Variants in EFNA5 observed in about 807,000 individuals in gnomAD.
The protein encoded by EFNA5 is ephrin A5.
Under a neutral mutation model 22.9 loss-of-function variants are expected in EFNA5, and 5 were observed. The ratio of observed to expected loss-of-function variants is 0.22; its 90% CI spans 0.11 to 0.46. The LOEUF is 0.46. Ranked by LOEUF, EFNA5 falls within the 20% of genes least tolerant of loss-of-function variation. The pLI is 0.99. For missense variants in EFNA5, 237 were observed against 293.3 expected (o/e 0.81, Z 1.40); for synonymous variants, 113 against 112.2 (o/e 1.01, Z -0.04).
At chr5:107,613,278 T>G (rs962925584) in intron 1 of EFNA5, among the ~76,000 whole-genome samples, 2 of 152,010 alleles carry the variant, frequency 1.3e-5, no homozygotes, top group African/African-American at 4.8e-5. Flanking sequence ...CTAGAAAAAA[T>G]TGCTGAGGGT....
At chr5:107,581,666 A>G (rs902683823) in intron 1 of EFNA5, among the ~76,000 whole-genome samples, 1 of 152,160 alleles carries the variant, frequency 6.6e-6, no homozygotes, top group African/African-American at 2.4e-5. Flanking sequence ...CAAGTTTCAT[A>G]TGTTATAACA....
rs113768108 is a variant in EFNA5 at position 107,555,093 on chromosome 5, T to G, written c.125+115396A>C. On this transcript the variant is annotated intron_variant, in intron 1 of 4. Coordinates refer to ENST00000333274, the MANE Select transcript of EFNA5 (RefSeq NM_001962.3). Reference sequence around the variant, plus strand: ...CACCTCTTGCTCTATGCAGGACACTTTGTCTAACATATCCTGCAGAGACAG... The same window carrying G: ...CACCTCTTGCTCTATGCAGGACACTGTGTCTAACATATCCTGCAGAGACAG... Among the ~76,000 whole-genome samples, 114 of 152,304 alleles carry G rather than the reference T, an allele frequency of 7.5e-4. 1 individual carries two copies. The Middle Eastern group carries it at 0.01, about 14-fold the overall frequency.
intron 1 of EFNA5, among the ~76,000 whole-genome samples, chr5:107,588,852 G>T (rs924556227): frequency 3.3e-5 from 5 of 152,178 alleles, no homozygotes; most frequent in African/African-American, 1.2e-4. Context: ...TCTATCTTTT[G>T]CACAAACATC....
chr5:107,551,633 A>G (rs1286309730), intron 1 of EFNA5, among the ~76,000 whole-genome samples: 2 of 151,864 alleles, frequency 1.3e-5, no homozygotes, highest in African/African-American at 2.4e-5. Flanking sequence ...TACTTTAGCA[A>G]CTCCCTGCCG....
At chr5:107,621,323 C>T (rs946926202) in intron 1 of EFNA5, among the ~76,000 whole-genome samples, 1 of 152,164 alleles carries the variant, frequency 6.6e-6, no homozygotes, top group Non-Finnish European at 1.5e-5. Context: ...TGGCAAGAAT[C>T]CTTGCAACAG....
At chr5:107,445,209 T>C (rs1561389230) in intron 1 of EFNA5, among the ~76,000 whole-genome samples, 2 of 152,002 alleles carry the variant, frequency 1.3e-5, no homozygotes, top group Non-Finnish European at 2.9e-5. Flanking sequence ...TTTTAGTAGA[T>C]ACAGGGTTTT....
intron 1 of EFNA5, among the ~76,000 whole-genome samples, chr5:107,589,652 C>T (rs1035990404): frequency 4.6e-5 from 7 of 152,096 alleles, no homozygotes; most frequent in Admixed American, 1.3e-4. Context: ...GTGAAAGAGG[C>T]CATTTATCTG....
chr5:107,569,574 TATATATATATA>T (rs376768938), intron 1 of EFNA5, among the ~76,000 whole-genome samples: 69,507 of 126,842 alleles, frequency 0.55, 19,993 homozygotes, highest in South Asian at 0.63. Flanking sequence ...TATATATATA[TATATATATATA>T]TATATATATA....
At chr5:107,546,651 A>AAC (rs767896375) in intron 1 of EFNA5, among the ~76,000 whole-genome samples, 9,887 of 121,208 alleles carry the variant, frequency 0.082, 477 homozygotes, top group African/African-American at 0.17. Flanking sequence ...TGGTGCGTAA[A>AAC]ACACACACAC....
At chr5:107,463,124 T>A (rs1749878242) in intron 1 of EFNA5, among the ~76,000 whole-genome samples, 1 of 152,194 alleles carries the variant, frequency 6.6e-6, no homozygotes, top group Non-Finnish European at 1.5e-5. Flanking sequence ...AATTCAAAGT[T>A]AATCTACTTT....
intron 2 of EFNA5, among the ~76,000 whole-genome samples, chr5:107,398,557 T>A (rs1268797511): frequency 6.6e-6 from 1 of 152,018 alleles, no homozygotes; most frequent in African/African-American, 2.4e-5. Context: ...TTAAAAAAAA[T>A]CTGTCGAGGC....
At chr5:107,486,526 A>G (rs149283056) in intron 1 of EFNA5, among the ~76,000 whole-genome samples, 90 of 152,360 alleles carry the variant, frequency 5.9e-4, no homozygotes, top group Middle Eastern at 6.8e-3. Flanking sequence ...ACATCAGTTT[A>G]TAGAGTTCAC....
intron 1 of EFNA5, among the ~76,000 whole-genome samples, chr5:107,591,951 A>AATATATATT (rs1561443039): frequency 3.2e-4 from 4 of 12,376 alleles, no homozygotes; most frequent in East Asian, 6.2e-3. Flanking sequence ...TATTATATAT[A>AATATATATT]ATATATAATA....
chr5:107,445,429 T>C (rs938171155), intron 1 of EFNA5, among the ~76,000 whole-genome samples: 2 of 152,208 alleles, frequency 1.3e-5, no homozygotes, highest in Non-Finnish European at 2.9e-5. Flanking sequence ...CTATTCCTTC[T>C]GGTTTTCACT....
chr5:107,449,682 C>A (rs1303778976), intron 1 of EFNA5, among the ~76,000 whole-genome samples: 1 of 152,162 alleles, frequency 6.6e-6, no homozygotes, highest in Non-Finnish European at 1.5e-5. Flanking sequence ...CCTTAAGAAG[C>A]TCTCTAAGTT....
At chr5:107,591,545 G>A (rs1027736010) in intron 1 of EFNA5, among the ~76,000 whole-genome samples, 8 of 151,808 alleles carry the variant, frequency 5.3e-5, no homozygotes, top group African/African-American at 1.4e-4. Context: ...TATTGAGGCC[G>A]GGTGCAGTGG....
At chr5:107,536,683 C>T (rs1036430047) in intron 1 of EFNA5, among the ~76,000 whole-genome samples, 6 of 152,180 alleles carry the variant, frequency 3.9e-5, no homozygotes, top group African/African-American at 9.7e-5. Context: ...CAAAGTCTTG[C>T]AATCAGCCTG....
At chr5:107,562,421 A>C (rs1748569275) in intron 1 of EFNA5, among the ~76,000 whole-genome samples, 1 of 152,074 alleles carries the variant, frequency 6.6e-6, no homozygotes, top group Admixed American at 6.6e-5. Flanking sequence ...TTTCTAAATC[A>C]GCATTCTAGG....
chr5:107,642,573 T>C (rs1750551541), intron 1 of EFNA5, among the ~76,000 whole-genome samples: 1 of 152,050 alleles, frequency 6.6e-6, no homozygotes, highest in East Asian at 1.9e-4. Flanking sequence ...AAATATTTCA[T>C]AGACTGGAGA....
Sources: gnomAD v4.1 joint callset for allele counts (sites outside exome capture counted in the v4.1 genomes callset) on GRCh38, gnomAD v4.1.1 for gene constraint, MANE v1.5 for transcripts, NCBI Gene and HGNC (gene_info 2026-07-23, HGNC 2026-07-21) for gene names.